Variants in STK3 observed in about 807,000 individuals in gnomAD.
STK3 encodes the protein serine/threonine kinase 3.
STK3 carries 41 observed loss-of-function variants against 58.0 expected under a neutral mutation model. The ratio of observed to expected loss-of-function variants is 0.71; its 90% CI spans 0.55 to 0.92. The LOEUF (loss-of-function observed/expected upper bound fraction) is 0.92. Ranked by LOEUF, STK3 falls within the 40% of genes least tolerant of loss-of-function variation. The pLI, the probability that STK3 is intolerant of heterozygous loss-of-function variation, is 0.00. For synonymous variants in STK3, 170 were observed against 191.0 expected (o/e 0.89, Z 0.91); for missense variants, 479 against 602.7 (o/e 0.79, Z 2.15).
At chr8:98,450,275 C>A (rs1191260538), downstream of STK3, among the ~76,000 whole-genome samples, 1 of 152,204 alleles carries the variant, frequency 6.6e-6, no homozygotes, top group Non-Finnish European at 1.5e-5. Flanking sequence ...TATCAAGGAA[C>A]AGAGCCCCCT....
downstream of STK3, among the ~76,000 whole-genome samples, chr8:98,453,246 G>A (rs909123800): frequency 2.8e-5 from 4 of 144,326 alleles, 1 homozygote; most frequent in Non-Finnish European, 6.0e-5. Context: ...GTGCCACCAC[G>A]CCCAGCTAAT....
intron 10 of STK3, among the ~76,000 whole-genome samples, chr8:98,506,198 G>A (rs889000743): frequency 2.6e-5 from 4 of 152,214 alleles, no homozygotes; most frequent in African/African-American, 4.8e-5. Flanking sequence ...CATGAGACCC[G>A]CCAAGCCAGG....
At chr8:98,533,489 G>A (rs1252742569) in intron 9 of STK3, among the ~76,000 whole-genome samples, 2 of 152,064 alleles carry the variant, frequency 1.3e-5, no homozygotes, top group African/African-American at 4.8e-5. Context: ...TGGGTGGACT[G>A]ACTGATTTGA....
At chr8:98,613,466 T>C (rs1345937710) in intron 6 of STK3, among the ~76,000 whole-genome samples, 1 of 151,842 alleles carries the variant, frequency 6.6e-6, no homozygotes. Context: ...ATCATGAAAA[T>C]AACTGAAACA....
the STK3 span, among the ~76,000 whole-genome samples, chr8:98,358,462 G>C: frequency 6.6e-6 from 1 of 152,208 alleles, no homozygotes; most frequent in Admixed American, 6.5e-5. Context: ...GGAGGATTCT[G>C]AGATGTGTAG....
Position 98,825,616 on chromosome 8 carries a change from G to T in STK3, c.-76C>A. 1 of 1,352,358 alleles carries T rather than the reference G, an allele frequency of 7.4e-7. No homozygotes were observed. Among genetic ancestry groups the T allele is most frequent in the Non-Finnish European group, 9.6e-7 (1 of 1,044,918 alleles). 83.8% of individuals were successfully genotyped at this position (1,352,358 alleles called of 1,614,324 possible). A position where few individuals can be genotyped will look rare whatever the true frequency, so the allele number is the denominator to read the frequency against. ...AGGAAAGGAGCCGGGGCACCGGCCG[G>T]CCGAGCCTAGGGCACCACAGAGGGA... On this transcript the variant is annotated 5_prime_UTR_variant, in exon 1 of 11. Coordinates refer to ENST00000419617, the MANE Select transcript of STK3 (RefSeq NM_006281.4).
chr8:98,531,817 C>T (rs1381894390), intron 9 of STK3, among the ~76,000 whole-genome samples: 1 of 152,204 alleles, frequency 6.6e-6, no homozygotes, highest in Non-Finnish European at 1.5e-5. Flanking sequence ...CTTGTATGGT[C>T]TGGAGATAGC....
chr8:98,619,636 C>G (rs1818082774), intron 6 of STK3, among the ~76,000 whole-genome samples: 2 of 112,572 alleles, frequency 1.8e-5, no homozygotes, highest in African/African-American at 7.3e-5. Context: ...ACAAACAACC[C>G]CATCAAAAAG....
chr8:98,458,867 G>C (rs1819712131), intron 10 of STK3, among the ~76,000 whole-genome samples: 1 of 152,172 alleles, frequency 6.6e-6, no homozygotes. Context: ...ATGGAACTGT[G>C]AATCAATACA....
chr8:98,911,726 T>C (rs572474859), intron 1 of STK3, among the ~76,000 whole-genome samples: 151 of 152,234 alleles, frequency 9.9e-4, no homozygotes, highest in African/African-American at 3.5e-3. Context: ...ACCAAAACAA[T>C]CGTGTTAGTA....
intron 4 of STK3, among the ~76,000 whole-genome samples, chr8:98,717,712 T>C (rs1340300407): frequency 6.6e-6 from 1 of 152,192 alleles, no homozygotes; most frequent in East Asian, 1.9e-4. Flanking sequence ...AAGAGGTGTT[T>C]TTGAACAAGT....
chr8:98,485,956 A>G (rs1041069554), intron 10 of STK3, among the ~76,000 whole-genome samples: 6 of 152,254 alleles, frequency 3.9e-5, no homozygotes, highest in Admixed American at 3.9e-4. Flanking sequence ...AGTACGACCC[A>G]TGACAAAGCT....
Position 98,942,032 on chromosome 8 carries a change from C to T in STK3, c.-79+346G>A, listed in dbSNP as rs960395097. ...CCGCACACCCGAAACCCACAACTCG[C>T]CCGTGGGCCGCGTGGCCTTTCTGCG... On this transcript the variant is annotated intron_variant, in intron 1 of 1. Coordinates refer to the STK3 transcript ENST00000519420. 5.3e-5 allele frequency among the ~76,000 whole-genome samples: 8 copies of T among 152,226 alleles called. No individual in the cohort carries two copies. In the East Asian group the frequency reaches 1.4e-3, roughly 26 times the overall value.
the STK3 span, among the ~76,000 whole-genome samples, chr8:98,362,248 G>A: frequency 2.6e-5 from 4 of 152,250 alleles, no homozygotes; most frequent in South Asian, 8.3e-4. Flanking sequence ...TGGGGAGAAG[G>A]GAAATGCCCG....
chr8:98,864,296 T>TCTCC (rs1220144831), intron 3 of STK3, among the ~76,000 whole-genome samples: 1 of 149,192 alleles, frequency 6.7e-6, no homozygotes, highest in Non-Finnish European at 1.5e-5. Context: ...AACATGGGAG[T>TCTCC]GATGGCTGAA....
chr8:98,630,980 T>C (rs1043920058), intron 6 of STK3, among the ~76,000 whole-genome samples: 3 of 152,194 alleles, frequency 2.0e-5, no homozygotes, highest in Non-Finnish European at 2.9e-5. Context: ...ATCTTCATCA[T>C]TCAAGATATC....
chr8:98,576,511 T>G (rs1813405920), intron 8 of STK3, among the ~76,000 whole-genome samples: 1 of 152,226 alleles, frequency 6.6e-6, no homozygotes, highest in South Asian at 2.1e-4. Context: ...CACAATATAA[T>G]GTCTTCTAAT....
At chr8:98,742,628 C>T (rs1829313554) in intron 4 of STK3, among the ~76,000 whole-genome samples, 1 of 143,288 alleles carries the variant, frequency 7.0e-6, no homozygotes, top group Non-Finnish European at 1.5e-5. Flanking sequence ...CAATATCATA[C>T]TGAATGGGCA....
At chr8:98,595,287 G>GTTACTTTTTTT (rs1355121132) in intron 7 of STK3, 2 of 149,424 alleles carry the variant, frequency 1.3e-5, no homozygotes, top group Non-Finnish European at 3.0e-5. Context: ...ACTTTGGAAA[G>GTTACTTTTTTT]TTACTTTTTT....
Sources: gnomAD v4.1 joint callset for allele counts (sites outside exome capture counted in the v4.1 genomes callset) on GRCh38, gnomAD v4.1.1 for gene constraint, MANE v1.5 for transcripts, NCBI Gene and HGNC (gene_info 2026-07-23, HGNC 2026-07-21) for gene names.